CAPN15: variants seen among roughly 807,000 people sequenced by gnomAD.
The protein encoded by CAPN15 is calpain 15.
A neutral mutation model predicts 97.9 loss-of-function variants in CAPN15; 53 were observed. That is an observed-to-expected ratio of 0.54 (90% CI 0.43 to 0.68). The LOEUF (loss-of-function observed/expected upper bound fraction) is 0.68, where lower values mean the gene tolerates loss of function less well. CAPN15 is among the 30% of genes least tolerant of loss of function. The pLI, the probability that CAPN15 is intolerant of heterozygous loss-of-function variation, is 0.00. For synonymous variants in CAPN15, 922 were observed against 722.5 expected (o/e 1.28, Z -4.43); for missense variants, 1,592 against 1,589.8 (o/e 1.00, Z -0.02).
At chr16:529,433 G>A (rs1489170988) in intron 1 of CAPN15, among the ~76,000 whole-genome samples, 1 of 152,202 alleles carries the variant, frequency 6.6e-6, no homozygotes, top group Non-Finnish European at 1.5e-5. Flanking sequence ...AGTGCCACAG[G>A]TGAGGAACCG....
rs879418905 is a variant in CAPN15, at chr16:551,726, T to C, written c.2345+62T>C. 35 of 1,568,710 alleles carry C rather than the reference T, an allele frequency of 2.2e-5. No homozygotes were observed. In the Admixed American group the frequency reaches 4.5e-4, roughly 20 times the overall value. ...GCCCTCCTAGGGCCGAGTCCTTCTC[T>C]GGAGAACAAGCCTGTCCCTCCTGCT... is the stretch of plus-strand genomic sequence containing the variant. On this transcript the variant is annotated intron_variant, in intron 9 of 13. Coordinates refer to ENST00000219611, the MANE Select transcript of CAPN15 (RefSeq NM_005632.3).
At chr16:546,165 G>A (rs553500811) in intron 3 of CAPN15, among the ~76,000 whole-genome samples, 1 of 152,254 alleles carries the variant, frequency 6.6e-6, no homozygotes, top group Non-Finnish European at 1.5e-5. Context: ...CACGGAGTTC[G>A]CTCGGCTCCA....
In CAPN15 at chr16:551,031, C is replaced by A. The variant is rs867891709; in HGVS notation, c.2067-271C>A. 6.1e-3 allele frequency among the ~76,000 whole-genome samples: 802 copies of A among 130,642 alleles called. 4 individuals are homozygous for A. Among genetic ancestry groups the A allele is most frequent in the African/African-American group, 0.022 (745 of 33,214 alleles). The allele number at this position is 130,642 out of a possible 152,430, so 85.7% of individuals were successfully genotyped here. On this transcript the variant is annotated intron_variant, in intron 7 of 13. Coordinates refer to ENST00000219611, the MANE Select transcript of CAPN15 (RefSeq NM_005632.3). ...GTCCCCTGTCGGTGAGGGCCCCGGT[C>A]GGTGAGGGCCCCGGTCGGTGAGGGT...
chr16:548,671 C>T (rs541561168), intron 4 of CAPN15, among the ~76,000 whole-genome samples: 50 of 152,344 alleles, frequency 3.3e-4, no homozygotes, highest in Admixed American at 1.0e-3. Context: ...ATGGCATCAC[C>T]CACGGGTCAA....
Position 549,645 on chromosome 16 carries a change from A to G in CAPN15, c.1873A>G (p.Ile625Val), listed in dbSNP as rs749479279. Residue 625 changes from isoleucine (I) to valine (V), a missense_variant, in exon 7 of 14, where the codon ATC becomes GTC. Transcript: ENST00000219611. ...AQRKQLWVAL[I>V]EKALAKLHGS... is the part of the protein sequence containing the mutation. ...GCGGAAGCAGCTGTGGGTGGCCCTCATCGAGAAGGCGCTGGCCAAGCTGCA... is the reference window on the plus strand; with the variant it reads ...GCGGAAGCAGCTGTGGGTGGCCCTCGTCGAGAAGGCGCTGGCCAAGCTGCA... 1.3e-6 allele frequency: 2 copies of G among 1,555,172 alleles called. No homozygotes were observed. Among genetic ancestry groups the G allele is most frequent in the Admixed American group, 1.8e-5 (1 of 54,190 alleles).
Position 552,246 on chromosome 16 carries a change from G to C in CAPN15, c.2507+34G>C. The C allele has an allele frequency of 1.3e-6, 2 of 1,534,312 alleles. No homozygotes were observed. Among genetic ancestry groups the C allele is most frequent in the South Asian group, 1.2e-5 (1 of 82,796 alleles). On this transcript the variant is annotated intron_variant, in intron 10 of 13. Coordinates refer to ENST00000219611, the MANE Select transcript of CAPN15 (RefSeq NM_005632.3). The surrounding 1 kb of genome is among the most constrained non-coding windows in gnomAD (Gnocchi z 6.4). ...TGCGGGGCCCCATCGGGCTGGGCTG[G>C]GCTAGGCTGGCGGCCGTGACCACGC... is the stretch of plus-strand genomic sequence containing the variant.
intron 7 of CAPN15, among the ~76,000 whole-genome samples, chr16:550,979 TGTTGGTGAGGGTCCCG>T (rs2035000451): frequency 9.2e-5 from 2 of 21,622 alleles, no homozygotes; most frequent in African/African-American, 2.8e-4. Context: ...GAGGGTCCCC[TGTTGGTGAGGGTCCCG>T]GTCGGTGAGG....
At chr16:538,946 CTT>C (rs113024162) in intron 3 of CAPN15, 37 of 127,706 alleles carry the variant, frequency 2.9e-4, no homozygotes, top group East Asian at 7.9e-4. Flanking sequence ...TTCTTTGGTG[CTT>C]TTTTTTTTTT....
chr16:543,041 ACT>A (rs2034256690), intron 3 of CAPN15, among the ~76,000 whole-genome samples: 2 of 151,654 alleles, frequency 1.3e-5, no homozygotes, highest in South Asian at 2.1e-4. Flanking sequence ...ACAGAGTGAG[ACT>A]CTGTCTCAAA....
At chr16:545,700 T>C (rs2034538245) in intron 3 of CAPN15, among the ~76,000 whole-genome samples, 1 of 152,160 alleles carries the variant, frequency 6.6e-6, no homozygotes, top group Admixed American at 6.5e-5. Flanking sequence ...CGGTGACAAC[T>C]ACAGGGCCAA....
rs938831358 is a variant in CAPN15, at chr16:547,808, C to T, written c.970C>T (p.Leu324=). Residue 324 remains leucine, a synonymous_variant, in exon 4 of 14, where the codon CTG becomes TTG. Transcript: ENST00000219611. ...SSTSGSDIID[L]AGDTVRYTPA... ...CACCTCGGGCAGTGACATCATTGAC[C>T]TGGCCGGAGACACCGTGCGTTACAC... The T allele has an allele frequency of 3.7e-6, 6 of 1,611,880 alleles. 1 individual carries two copies. In the African/African-American group the frequency reaches 4.0e-5, roughly 11 times the overall value.
chr16:530,932 G>A (rs2033204911), intron 1 of CAPN15, among the ~76,000 whole-genome samples: 1 of 152,238 alleles, frequency 6.6e-6, no homozygotes, highest in Admixed American at 6.5e-5. Context: ...CGGGTCATGG[G>A]CATCAGCCTC....
Position 551,326 on chromosome 16 carries a change from C to CG in CAPN15, c.2096dup (p.Asn700GlnfsTer71). On this transcript the variant is annotated frameshift_variant, in exon 8 of 14. Coordinates refer to ENST00000219611, the MANE Select transcript of CAPN15 (RefSeq NM_005632.3). LOFTEE classifies it high-confidence loss of function. ...GGTTCCTCATGGGTGCCTCCTGTGG[C>CG]GGGGGCAACATGAAGGTGGACGATT... 2 of 1,604,506 alleles carry CG rather than the reference C, an allele frequency of 1.2e-6. No individual in the cohort carries two copies. The highest frequency in any genetic ancestry group is 8.5e-7 in the Non-Finnish European group (1 of 1,175,482).
At position 547,480 on chromosome 16, in the gene CAPN15, A is replaced by G. The variant is rs2034674805; in HGVS notation, c.642A>G (p.Pro214=). The change falls in exon 4 of 14, where the codon CCA becomes CCG. Residue 214 remains proline (P), a synonymous_variant. Transcript: ENST00000219611. The part of the protein sequence containing the change: ...LPGEGAEANP[P]ATSQGPAAEP... ...GGGAAGGTGCCGAGGCCAACCCCCC[A>G]GCCACCAGCCAGGGCCCAGCTGCCG... is the stretch of plus-strand genomic sequence containing the variant. The G allele has an allele frequency of 6.3e-7, 1 of 1,596,504 alleles. No individual in the cohort carries two copies.
chr16:546,876 C>A lies in CAPN15; in HGVS notation c.38C>A (p.Thr13Asn). ...TVGEWSCVRC[T>N]FLNPAGQRQC... ...GGAGAGTGGTCCTGTGTGCGCTGCA[C>A]CTTCCTGAACCCGGCCGGCCAGCGC... Residue 13 changes from threonine to asparagine, a missense_variant, in exon 4 of 14, where the codon ACC (threonine) becomes AAC (asparagine). By Grantham distance (65) the Thr-to-Asn change is moderately conservative. Transcript: ENST00000219611. The A allele has an allele frequency of 1.2e-6, 2 of 1,611,526 alleles. No homozygotes were observed. Among genetic ancestry groups the A allele is most frequent in the Non-Finnish European group, 1.7e-6 (2 of 1,179,590 alleles).
In CAPN15 at chr16:551,352, C is replaced by T. The variant is rs148315676; in HGVS notation, c.2117C>T (p.Ser706Leu). ...GGGGGCAACATGAAGGTGGACGATT[C>T]GGCCTACGAGAGCCTGGGCCTGCGC... ...CGGGNMKVDD[S>L]AYESLGLRPR... Residue 706 changes from serine (S) to leucine (L), a missense_variant, in exon 8 of 14, where the codon TCG becomes TTG. By Grantham distance (145) the Ser-to-Leu change is moderately radical. This residue lies in a region of CAPN15 where 644 missense variants were observed against 699.6 expected (regional missense o/e 0.92). Coordinates refer to ENST00000219611, the MANE Select transcript of CAPN15 (RefSeq NM_005632.3). 2.6e-4 allele frequency: 415 copies of T among 1,608,724 alleles called. 1 individual carries two copies. The highest frequency in any genetic ancestry group is 5.4e-4 in the South Asian group (49 of 90,868).
At chr16:539,376 G>A (rs1451954597) in intron 3 of CAPN15, 1 of 152,288 alleles carries the variant, frequency 6.6e-6, no homozygotes, top group East Asian at 1.9e-4. Flanking sequence ...TGCCTGCACG[G>A]GCAGGGTCCT....
rs1258826849 is a variant in CAPN15 at position 552,649 on chromosome 16, C to T, written c.2782C>T (p.Pro928Ser). ...AGVPRASPEP[P>S]GHVLAVYSSR... Reference sequence around the variant, plus strand: ...GGTCCCGAGAGCCTCCCCAGAGCCGCCGGGCCACGTGCTGGCTGTGTACAG... The same window carrying T: ...GGTCCCGAGAGCCTCCCCAGAGCCGTCGGGCCACGTGCTGGCTGTGTACAG... Residue 928 changes from proline to serine, a missense_variant, in exon 12 of 14, where the codon CCG (proline) becomes TCG (serine). Transcript: ENST00000219611. This position sits in a 1 kb window ranked among gnomAD's most constrained non-coding sequence, Gnocchi z 6.4. 8.4e-6 allele frequency: 13 copies of T among 1,538,808 alleles called. No individual in the cohort carries two copies. The highest frequency in any genetic ancestry group is 2.5e-5 in the East Asian group (1 of 40,738).
At position 527,956 on chromosome 16, in the gene CAPN15, G is replaced by C. The variant is rs1015861109; in HGVS notation, c.-263G>C. 2.7e-5 allele frequency: 4 copies of C among 145,848 alleles called. No homozygotes were observed. The highest frequency in any genetic ancestry group is 9.8e-5 in the African/African-American group (4 of 40,794). The allele number at this position is 145,848 out of a possible 1,614,324, so 9.0% of individuals were successfully genotyped here. ...GCAGAAGTTGTGGATCGGCCGGCGG[G>C]GGCGAGCGGGCCCGGGGGCCGGGGC... On this transcript the variant is annotated 5_prime_UTR_variant, in exon 1 of 14. Transcript: ENST00000219611.
Sources: allele counts gnomAD v4.1 joint callset (sites outside exome capture counted in the v4.1 genomes callset), GRCh38; gene constraint gnomAD v4.1.1; regional missense constraint gnomAD v4.1.1; non-coding constraint Gnocchi (gnomAD v3.1); transcripts MANE v1.5; gene names NCBI Gene and HGNC (gene_info 2026-07-23, HGNC 2026-07-21).